Variants in ANK2 observed in about 807,000 individuals in gnomAD.
The protein encoded by ANK2 is ankyrin 2.
Under a neutral mutation model 360.5 loss-of-function variants are expected in ANK2, and 83 were observed. The observed-to-expected ratio is 0.23, with a 90% confidence interval of 0.19 to 0.28. The LOEUF (loss-of-function observed/expected upper bound fraction) is 0.28. Among genes scored for constraint, ANK2 ranks in the 10% least tolerant of loss-of-function variants. ANK2 has a pLI of 1.00. For synonymous variants in ANK2, 1,740 were observed against 1,759.5 expected (o/e 0.99, Z 0.28); for missense variants, 4,201 against 4,795.7 (o/e 0.88, Z 3.66).
At chr4:112,871,254 C>T (rs796690519) in intron 1 of ANK2, among the ~76,000 whole-genome samples, 11 of 151,806 alleles carry the variant, frequency 7.2e-5, no homozygotes, top group South Asian at 6.3e-4. Flanking sequence ...GGCACCATCT[C>T]GTCTCACTGC....
intron 1 of ANK2, among the ~76,000 whole-genome samples, chr4:112,859,848 C>T (rs538567684): frequency 1.1e-3 from 160 of 152,246 alleles, no homozygotes; most frequent in African/African-American, 3.4e-3. Context: ...ACCTGGAAAA[C>T]GATAATAGAA....
chr4:112,925,398 A>G (rs2092400357), intron 2 of ANK2, among the ~76,000 whole-genome samples: 1 of 152,242 alleles, frequency 6.6e-6, no homozygotes, highest in Non-Finnish European at 1.5e-5. Flanking sequence ...TATCTGCTAC[A>G]GTACATTGCA....
chr4:113,204,089 A>T (rs574671762), intron 4 of ANK2, among the ~76,000 whole-genome samples: 1 of 152,236 alleles, frequency 6.6e-6, no homozygotes, highest in African/African-American at 2.4e-5. Context: ...CACAAAAAAA[A>T]TATAATTTTT....
At chr4:113,231,549 T>G (rs760884663) in intron 4 of ANK2, among the ~76,000 whole-genome samples, 4 of 152,146 alleles carry the variant, frequency 2.6e-5, no homozygotes, top group Admixed American at 6.5e-5. Context: ...ATAGTGATAA[T>G]TCCATATGTT....
At chr4:112,950,949 G>A (rs1018752737) in intron 2 of ANK2, among the ~76,000 whole-genome samples, 7 of 150,456 alleles carry the variant, frequency 4.7e-5, no homozygotes, top group Admixed American at 6.6e-5. Context: ...GGGCGTAGTG[G>A]CGGGCGCCTG....
At chr4:112,864,281 C>G (rs550344240) in intron 1 of ANK2, among the ~76,000 whole-genome samples, 122 of 152,258 alleles carry the variant, frequency 8.0e-4, no homozygotes, top group African/African-American at 2.9e-3. Flanking sequence ...TTGGAAAAGA[C>G]TAGTAACATT....
chr4:112,707,805 A>G, the ANK2 span, among the ~76,000 whole-genome samples: 2 of 152,240 alleles, frequency 1.3e-5, no homozygotes, highest in South Asian at 2.1e-4. Context: ...AAAAATAGTT[A>G]TACAAAAAAT....
At chr4:112,860,331 A>C (rs1449652428) in intron 1 of ANK2, among the ~76,000 whole-genome samples, 1 of 152,020 alleles carries the variant, frequency 6.6e-6, no homozygotes, top group Non-Finnish European at 1.5e-5. Context: ...GGTTCAAGCG[A>C]TTCTTCTGCC....
intron 23 of ANK2, among the ~76,000 whole-genome samples, chr4:113,306,569 T>A (rs1002991381): frequency 1.2e-4 from 18 of 152,186 alleles, no homozygotes; most frequent in Admixed American, 5.9e-4. Flanking sequence ...GAGAAGAACC[T>A]GGAAGGAAGC....
intron 1 of ANK2, chr4:113,146,098 G>A: frequency 1.6e-6 from 2 of 1,217,050 alleles, no homozygotes; most frequent in Non-Finnish European, 1.1e-6. Flanking sequence ...TTCCTGGAAG[G>A]AAGCTGACAG....
the ANK2 span, among the ~76,000 whole-genome samples, chr4:112,771,082 TTAAC>T: frequency 6.6e-6 from 1 of 152,202 alleles, no homozygotes; most frequent in African/African-American, 2.4e-5. Flanking sequence ...AAAAGAAAGA[TTAAC>T]AAAAGAAAAG....
chr4:112,862,982 G>A (rs1384805022), intron 1 of ANK2, among the ~76,000 whole-genome samples: 3 of 152,102 alleles, frequency 2.0e-5, no homozygotes, highest in East Asian at 3.9e-4. Context: ...CATAAAATAT[G>A]TTGTGCACCC....
At chr4:112,810,140 T>C in the ANK2 span, among the ~76,000 whole-genome samples, 3 of 21,544 alleles carry the variant, frequency 1.4e-4, no homozygotes, top group Admixed American at 1.3e-3. Context: ...TATATATATA[T>C]ATATATATAT....
intron 15 of ANK2, among the ~76,000 whole-genome samples, chr4:113,275,306 A>T (rs1351465455): frequency 6.6e-6 from 1 of 152,204 alleles, no homozygotes; most frequent in Non-Finnish European, 1.5e-5. Context: ...TGCTTTATAC[A>T]TGCTGTTTGA....
At chr4:113,022,922 G>C (rs1235622294) in intron 2 of ANK2, among the ~76,000 whole-genome samples, 1 of 152,034 alleles carries the variant, frequency 6.6e-6, no homozygotes, top group Admixed American at 6.6e-5. Flanking sequence ...TTAAATGTTT[G>C]GATTGATTTT....
At chr4:112,706,372 C>T in the ANK2 span, among the ~76,000 whole-genome samples, 6 of 152,230 alleles carry the variant, frequency 3.9e-5, no homozygotes, top group East Asian at 9.7e-4. Flanking sequence ...ATTCTCTAAA[C>T]CTCTTTTCTC....
Position 113,052,317 on chromosome 4 carries a change from A to G in ANK2, c.84+2505A>G, listed in dbSNP as rs894300628. Among the ~76,000 whole-genome samples the G allele has an allele frequency of 1.2e-4, 18 of 152,312 alleles. 1 individual carries two copies. The highest frequency in any genetic ancestry group is 3.4e-4 in the African/African-American group (14 of 41,572). Reference sequence around the variant, plus strand: ...CAATTCGGTTGTTTGTTTTTCTACTAGAGGTTTACATTGAATCTGCTGTGG... The same window carrying G: ...CAATTCGGTTGTTTGTTTTTCTACTGGAGGTTTACATTGAATCTGCTGTGG... On this transcript the variant is annotated intron_variant, in intron 1 of 45. Transcript: ENST00000357077.
intron 31 of ANK2, among the ~76,000 whole-genome samples, chr4:113,338,460 T>C (rs2093831460): frequency 6.6e-6 from 1 of 152,312 alleles, no homozygotes; most frequent in South Asian, 2.1e-4. Context: ...GGCTAAACTT[T>C]TATTGCACAT....
intron 1 of ANK2, among the ~76,000 whole-genome samples, chr4:113,133,227 A>T (rs921380868): frequency 6.6e-6 from 1 of 152,168 alleles, no homozygotes; most frequent in African/African-American, 2.4e-5. Context: ...AGTCGAAAAA[A>T]GTTTGACCTT....
Sources: allele counts gnomAD v4.1 joint callset (sites outside exome capture counted in the v4.1 genomes callset), GRCh38; gene constraint gnomAD v4.1.1; transcripts MANE v1.5; gene names NCBI Gene and HGNC (gene_info 2026-07-23, HGNC 2026-07-21).